Variants in FMNL3 observed in about 807,000 individuals in gnomAD.
FMNL3 encodes formin like 3, also known as formin-like protein 3.
Under a neutral mutation model 119.6 loss-of-function variants are expected in FMNL3, and 57 were observed. The observed-to-expected ratio is 0.48, with a 90% CI of 0.39 to 0.59. The LOEUF is 0.59. FMNL3 is among the 20% of genes least tolerant of loss of function. The pLI is 0.00. For missense variants in FMNL3, 1,053 were observed against 1,323.5 expected (o/e 0.80, Z 3.17); for synonymous variants, 491 against 507.3 (o/e 0.97, Z 0.43).
intron 1 of FMNL3, among the ~76,000 whole-genome samples, chr12:49,674,332 G>A (rs1321177418): frequency 6.6e-6 from 1 of 152,204 alleles, no homozygotes; most frequent in African/African-American, 2.4e-5. Flanking sequence ...CCCCTGCCCT[G>A]CCTCGATAGA....
chr12:49,645,822 G>C lies in FMNL3; in HGVS notation c.3077C>G (p.Pro1026Arg). The C allele has an allele frequency of 6.3e-7, 1 of 1,599,744 alleles. No individual in the cohort carries two copies. Among genetic ancestry groups the C allele is most frequent in the Non-Finnish European group, 8.5e-7 (1 of 1,175,396 alleles). The change falls in exon 26 of 26, where the codon CCC becomes CGC. Residue 1026 changes from proline (P) to arginine (R), a missense_variant. Transcript: ENST00000335154. ...PPSGPPRAPG[P>R]H ...TCTGCCTCCGAGAGGGTCTCAGTGG[G>C]GGCCTGGAGCCCGAGGGGGACCACT...
intron 2 of FMNL3, among the ~76,000 whole-genome samples, chr12:49,667,431 T>G (rs1017237504): frequency 6.6e-6 from 1 of 152,138 alleles, no homozygotes; most frequent in Non-Finnish European, 1.5e-5. Flanking sequence ...TATGGACCTT[T>G]GTTGGAGAAG....
chr12:49,637,669 C>T lies in FMNL3; in HGVS notation c.*8146G>A, dbSNP rs1942027290. 1 of 1,542,124 alleles carries T rather than the reference C, an allele frequency of 6.5e-7. No individual in the cohort carries two copies. The highest frequency in any genetic ancestry group is 8.9e-7 in the Non-Finnish European group (1 of 1,123,334). On this transcript the variant is annotated 3_prime_UTR_variant, in exon 26 of 26. Transcript: ENST00000335154. ...ACCCCCTACTACCGGCTCCTGTCCT[C>T]GGCCCAGCCCCCAGGCCTTGGGAAG...
intron 1 of FMNL3, among the ~76,000 whole-genome samples, chr12:49,699,719 G>A (rs1351040076): frequency 6.6e-6 from 1 of 152,058 alleles, no homozygotes; most frequent in African/African-American, 2.4e-5. Context: ...TTATTACATA[G>A]ACATATGTAT....
Position 49,662,026 on chromosome 12 carries a change from T to A in FMNL3, c.392A>T (p.Asp131Val). Residue 131 changes from aspartate to valine, a missense_variant, in exon 5 of 26, where the codon GAT becomes GTT. This residue lies in a region of FMNL3 where 264 missense variants were observed against 265.5 expected (regional missense o/e 0.99). Transcript: ENST00000335154. ...CAGTACATCCAGGCCTTTGTTTTCA[T>A]CATTCAGAAATTCCCGCACCCACCT... ...HIGWVREFLN[D>V]ENKGLDVLVD... 2.5e-6 allele frequency: 4 copies of A among 1,614,114 alleles called. No homozygotes were observed. The highest frequency in any genetic ancestry group is 3.4e-6 in the Non-Finnish European group (4 of 1,180,030).
Position 49,657,071 on chromosome 12 carries a change from T to C in FMNL3, c.714+11A>G, listed in dbSNP as rs1434799802. On this transcript the variant is annotated intron_variant, in intron 7 of 25. Transcript: ENST00000335154. Reference sequence around the variant, plus strand: ...GAAGTAGAGCACCTATGGCTAGTGCTTCCCCCTTACCTGATAGTTCATGAT... The same window carrying C: ...GAAGTAGAGCACCTATGGCTAGTGCCTCCCCCTTACCTGATAGTTCATGAT... 2 of 1,612,238 alleles carry C rather than the reference T, an allele frequency of 1.2e-6. No individual in the cohort carries two copies. The highest frequency in any genetic ancestry group is 1.7e-6 in the Non-Finnish European group (2 of 1,178,280).
intron 1 of FMNL3, among the ~76,000 whole-genome samples, chr12:49,702,901 C>T (rs1944947947): frequency 6.6e-6 from 1 of 152,132 alleles, no homozygotes. Context: ...AAGTTTTTCC[C>T]AGCCCATTTC....
At position 49,656,749 on chromosome 12, in the gene FMNL3, G is replaced by A. The variant is rs1356816072; in HGVS notation, c.791+74C>T. ...AGGACTCCAAGGCCAGGCAGAACTT[G>A]TCAGGAATACATGGAGTACAGATCT... On this transcript the variant is annotated intron_variant, in intron 8 of 25. Transcript: ENST00000335154. 4 of 1,415,256 alleles carry A rather than the reference G, an allele frequency of 2.8e-6. No individual in the cohort carries two copies. The Admixed American group carries it at 7.0e-5, about 25-fold the overall frequency. 87.7% of individuals were successfully genotyped at this position (1,415,256 alleles called of 1,614,324 possible). A position where few individuals can be genotyped will look rare whatever the true frequency, so the allele number is the denominator to read the frequency against.
In FMNL3 at chr12:49,683,542, AT is replaced by A. The variant is rs373974287; in HGVS notation, c.127-14989del. 4.9e-3 allele frequency among the ~76,000 whole-genome samples: 752 copies of A among 152,250 alleles called. 5 individuals carry two copies. The highest frequency in any genetic ancestry group is 0.017 in the African/African-American group (700 of 41,542). On this transcript the variant is annotated intron_variant, in intron 1 of 25. Transcript: ENST00000335154. ...TCTAATCAGTCATGAAAATTTAACTATTTATTAATAGTTAACATTTATTTGA... is the reference window on the plus strand; with the variant it reads ...TCTAATCAGTCATGAAAATTTAACTATTATTAATAGTTAACATTTATTTGA...
In FMNL3 at chr12:49,649,393, CT is replaced by C. The variant is rs760182822; in HGVS notation, c.2305-55del. On this transcript the variant is annotated intron_variant, in intron 19 of 25. Coordinates refer to ENST00000335154, the MANE Select transcript of FMNL3 (RefSeq NM_175736.5). This position sits in a 1 kb window ranked among gnomAD's most constrained non-coding sequence, Gnocchi z 5.6. Reference sequence around the variant, plus strand: ...CAGGCTCAGGTCCTGAAGGCTCCTTCTTCCTCTCTGTATAGCCCCAGGCCCC... The same window carrying C: ...CAGGCTCAGGTCCTGAAGGCTCCTTCTCCTCTCTGTATAGCCCCAGGCCCC... 6.2e-7 allele frequency: 1 copy of C among 1,613,732 alleles called. No individual in the cohort carries two copies. The highest frequency in any genetic ancestry group is 8.5e-7 in the Non-Finnish European group (1 of 1,179,686).
At chr12:49,701,290 C>T in intron 1 of FMNL3, among the ~76,000 whole-genome samples, 1 of 151,910 alleles carries the variant, frequency 6.6e-6, no homozygotes, top group East Asian at 1.9e-4. Context: ...TCAGTAAGTT[C>T]CAAATTTACC....
At chr12:49,698,270 C>A (rs1360537963) in intron 1 of FMNL3, among the ~76,000 whole-genome samples, 2 of 152,046 alleles carry the variant, frequency 1.3e-5, no homozygotes, top group Admixed American at 6.6e-5. Flanking sequence ...TTGGCCATAA[C>A]TCTGGGTGAG....
Position 49,675,483 on chromosome 12 carries a change from A to G in FMNL3, c.127-6929T>C, listed in dbSNP as rs539654443. ...TGAGGTTCTGTCCTCCCACCTGGGG[A>G]GCCCAATGGGCAGTGCTACCTCTCA... On this transcript the variant is annotated intron_variant, in intron 1 of 25. Coordinates refer to ENST00000335154, the MANE Select transcript of FMNL3 (RefSeq NM_175736.5). 3.9e-5 allele frequency among the ~76,000 whole-genome samples: 6 copies of G among 152,286 alleles called. No individual in the cohort carries two copies. In the East Asian group the frequency reaches 1.2e-3, roughly 29 times the overall value.
In FMNL3 at chr12:49,637,125, T is replaced by C; in HGVS notation, c.*8690A>G. The C allele has an allele frequency of 1.7e-6, 1 of 583,970 alleles. No individual in the cohort carries two copies. Among genetic ancestry groups the C allele is most frequent in the Non-Finnish European group, 3.0e-6 (1 of 331,946 alleles). The allele number at this position is 583,970 out of a possible 1,614,324, so 36.2% of individuals were successfully genotyped here. A position where few individuals can be genotyped will look rare whatever the true frequency, so the allele number is the denominator to read the frequency against. The stretch of plus-strand genomic sequence containing the variant: ...GACTTGGCAGCTAGGCCATGTTTAT[T>C]TCCCTTGGTGGGGCACCCGACAGGC... On this transcript the variant is annotated 3_prime_UTR_variant, in exon 26 of 26. Coordinates refer to ENST00000335154, the MANE Select transcript of FMNL3 (RefSeq NM_175736.5).
chr12:49,666,013 C>A (rs1943881036), intron 3 of FMNL3, 105 bp from the exon 4 acceptor site: 1 of 1,540,808 alleles, frequency 6.5e-7, no homozygotes, highest in East Asian at 2.2e-5. Context: ...ACCCTGAAAT[C>A]CAACTCCCAA....
At chr12:49,654,439 TG>T in intron 10 of FMNL3, 137 bp from the exon 11 acceptor site, 1 of 628,206 alleles carries the variant, frequency 1.6e-6, no homozygotes, top group Non-Finnish European at 2.8e-6. Flanking sequence ...TAAGTCTTTA[TG>T]GGGGCAATAA....
At position 49,641,735 on chromosome 12, in the gene FMNL3, T is replaced by G; in HGVS notation, c.*4080A>C. On this transcript the variant is annotated 3_prime_UTR_variant, in exon 26 of 26. Coordinates refer to ENST00000335154, the MANE Select transcript of FMNL3 (RefSeq NM_175736.5). ...CAAACCAAGGGTAGGCATGGGGGCTTAATTGTCAAGTGATGAGGACTTGGA... is the reference window on the plus strand; with the variant it reads ...CAAACCAAGGGTAGGCATGGGGGCTGAATTGTCAAGTGATGAGGACTTGGA... 1.7e-6 allele frequency: 1 copy of G among 599,642 alleles called. No homozygotes were observed. The highest frequency in any genetic ancestry group is 1.8e-5 in the African/African-American group (1 of 54,068). 37.1% of individuals were successfully genotyped at this position (599,642 alleles called of 1,614,324 possible). A position where few individuals can be genotyped will look rare whatever the true frequency, so the allele number is the denominator to read the frequency against.
intron 17 of FMNL3, among the ~76,000 whole-genome samples, 182 bp downstream of exon 17, chr12:49,650,494 G>C (rs771851839): frequency 8.5e-5 from 13 of 152,196 alleles, no homozygotes; most frequent in Non-Finnish European, 1.9e-4. Flanking sequence ...AGCTCCTTGG[G>C]TGAAGGTCTG....
intron 10 of FMNL3, 53 bp downstream of exon 10, chr12:49,654,857 A>AAC: frequency 1.3e-6 from 2 of 1,554,332 alleles, no homozygotes; most frequent in East Asian, 2.2e-5. Flanking sequence ...GTTGTCAAGG[A>AAC]ACACACACAC....
Sources: gnomAD v4.1 joint callset for allele counts (sites outside exome capture counted in the v4.1 genomes callset) on GRCh38, gnomAD v4.1.1 for gene constraint, gnomAD v4.1.1 regional missense constraint, Gnocchi (gnomAD v3.1) non-coding constraint, MANE v1.5 for transcripts, NCBI Gene and HGNC (gene_info 2026-07-23, HGNC 2026-07-21) for gene names.